The following FCHSD2 variants were observed in gnomAD, a reference collection of about 807,000 sequenced individuals.
FCHSD2 encodes the protein F-BAR and double SH3 domains protein 2.
A neutral mutation model predicts 108.1 loss-of-function variants in FCHSD2; 38 were observed. The ratio of observed to expected loss-of-function variants is 0.35; its 90% confidence interval spans 0.27 to 0.46. The LOEUF (loss-of-function observed/expected upper bound fraction) is 0.46. Ranked by LOEUF, FCHSD2 falls within the 20% of genes least tolerant of loss-of-function variation. The pLI, the probability that FCHSD2 is intolerant of heterozygous loss-of-function variation, is 1.00. For synonymous variants in FCHSD2, 279 were observed against 314.7 expected, an observed-to-expected ratio of 0.89 and a Z score of 1.20; for missense variants, 751 against 897.8, an observed-to-expected ratio of 0.84 and a Z score of 2.09.
At chr11:72,902,032 G>T (rs1206241215) in intron 10 of FCHSD2, among the ~76,000 whole-genome samples, 3 of 151,890 alleles carry the variant, frequency 2.0e-5, no homozygotes, top group African/African-American at 7.3e-5. Context: ...CCACGACCAA[G>T]CCCAGCTAAT....
Position 73,140,074 on chromosome 11 carries a change from G to T in FCHSD2, c.76C>A (p.Gln26Lys). The change falls in exon 2 of 20, where the codon CAA becomes AAA. Residue 26 changes from glutamine to lysine, a missense_variant. Gln to Lys is a moderately conservative substitution (Grantham distance 53). Transcript: ENST00000409418. ...NIQVEQMTKLQAKHQAECDLL... is the reference protein window; with the variant it reads ...NIQVEQMTKLKAKHQAECDLL... ...TCACATTCTGCTTGATGTTTGGCTTGAAGTTTTGTCATCTGCTCAACTTGA... is the reference window on the plus strand; with the variant it reads ...TCACATTCTGCTTGATGTTTGGCTTTAAGTTTTGTCATCTGCTCAACTTGA... 1.3e-6 allele frequency: 2 copies of T among 1,549,144 alleles called. No homozygotes were observed. Among genetic ancestry groups the T allele is most frequent in the Non-Finnish European group, 1.7e-6 (2 of 1,145,732 alleles).
intron 12 of FCHSD2, among the ~76,000 whole-genome samples, chr11:72,879,032 C>T (rs1855026544): frequency 6.6e-6 from 1 of 152,026 alleles, no homozygotes; most frequent in Non-Finnish European, 1.5e-5. Flanking sequence ...ACTGCTTGAA[C>T]CCAGGAGGCA....
At chr11:73,133,792 CAAAAAA>C (rs56104779) in intron 2 of FCHSD2, among the ~76,000 whole-genome samples, 1 of 65,870 alleles carries the variant, frequency 1.5e-5, no homozygotes, top group African/African-American at 6.5e-5. Flanking sequence ...AACTCCGTCT[CAAAAAA>C]AAAAAAAAAA....
At chr11:72,985,785 T>C (rs944595556) in intron 6 of FCHSD2, among the ~76,000 whole-genome samples, 2 of 152,112 alleles carry the variant, frequency 1.3e-5, no homozygotes, top group African/African-American at 4.8e-5. Flanking sequence ...AATCTAACAA[T>C]AGGTAGTACA....
intron 2 of FCHSD2, among the ~76,000 whole-genome samples, chr11:73,126,339 T>TAAAAAA (rs61586562): frequency 0.061 from 1,656 of 27,202 alleles, 167 homozygotes; most frequent in East Asian, 0.19. Flanking sequence ...GATTCCATCT[T>TAAAAAA]AAAAAAAAAA....
intron 5 of FCHSD2, among the ~76,000 whole-genome samples, chr11:72,999,431 T>C (rs1857582240): frequency 6.6e-6 from 1 of 151,076 alleles, no homozygotes; most frequent in African/African-American, 2.4e-5. Context: ...GCAATTCTCC[T>C]GTCTCAGCCT....
intron 5 of FCHSD2, among the ~76,000 whole-genome samples, chr11:72,999,546 C>T (rs942602236): frequency 6.6e-5 from 10 of 152,046 alleles, no homozygotes; most frequent in Admixed American, 1.3e-4. Context: ...TCTTGAATTC[C>T]TGACCTCAGG....
chr11:72,848,334 C>T (rs1245115788), intron 14 of FCHSD2, among the ~76,000 whole-genome samples: 1 of 152,214 alleles, frequency 6.6e-6, no homozygotes, highest in Non-Finnish European at 1.5e-5. Context: ...ACTCTCATCA[C>T]ACTCTGTCTC....
At chr11:72,857,288 C>G (rs1203761080) in intron 13 of FCHSD2, among the ~76,000 whole-genome samples, 1 of 152,176 alleles carries the variant, frequency 6.6e-6, no homozygotes, top group Non-Finnish European at 1.5e-5. Flanking sequence ...TTTCTTGACC[C>G]AGCATTTCTA....
chr11:72,913,915 A>T (rs1164842488), intron 9 of FCHSD2, among the ~76,000 whole-genome samples: 1 of 152,114 alleles, frequency 6.6e-6, no homozygotes, highest in African/African-American at 2.4e-5. Flanking sequence ...ACTGCTGCTC[A>T]AATAAATTAG....
At chr11:73,113,522 C>T (rs185066689) in intron 2 of FCHSD2, among the ~76,000 whole-genome samples, 1 of 151,986 alleles carries the variant, frequency 6.6e-6, no homozygotes, top group Non-Finnish European at 1.5e-5. Flanking sequence ...GCATGTGCCA[C>T]CACGCCCAGC....
intron 3 of FCHSD2, among the ~76,000 whole-genome samples, chr11:73,054,643 G>A (rs185156277): frequency 1.3e-5 from 2 of 151,726 alleles, no homozygotes; most frequent in Non-Finnish European, 1.5e-5. Flanking sequence ...ACAAACAGAG[G>A]GGGTGGAGGA....
chr11:73,021,711 A>G (rs1858109707), intron 3 of FCHSD2, among the ~76,000 whole-genome samples: 1 of 152,158 alleles, frequency 6.6e-6, no homozygotes, highest in African/African-American at 2.4e-5. Flanking sequence ...ATTTAAAATA[A>G]AACTTAAAAA....
chr11:72,854,402 C>T (rs888349525), intron 13 of FCHSD2, among the ~76,000 whole-genome samples: 10 of 152,158 alleles, frequency 6.6e-5, no homozygotes, highest in Non-Finnish European at 2.9e-5. Flanking sequence ...TACATACATA[C>T]GATGGAATAT....
chr11:72,917,955 G>A (rs1003857405), intron 9 of FCHSD2, among the ~76,000 whole-genome samples: 9 of 151,672 alleles, frequency 5.9e-5, no homozygotes, highest in Non-Finnish European at 1.2e-4. Flanking sequence ...TTGGAATTTT[G>A]ATAGGGACTA....
At chr11:73,140,799 G>A (rs1382702142) in intron 1 of FCHSD2, among the ~76,000 whole-genome samples, 2 of 152,250 alleles carry the variant, frequency 1.3e-5, no homozygotes, top group East Asian at 3.8e-4. Context: ...GCAAATGCCT[G>A]CTGGCCAGAG....
chr11:73,129,802 A>G (rs531337730), intron 2 of FCHSD2, among the ~76,000 whole-genome samples: 3 of 151,744 alleles, frequency 2.0e-5, no homozygotes, highest in South Asian at 4.2e-4. Context: ...AGGGTTGGGG[A>G]CCACTGCTGT....
chr11:72,855,488 G>A (rs1171171255), intron 13 of FCHSD2, among the ~76,000 whole-genome samples: 1 of 151,936 alleles, frequency 6.6e-6, no homozygotes, highest in Admixed American at 6.6e-5. Context: ...AAAAAAAAGA[G>A]TTCTGGAGAT....
chr11:73,103,637 A>G (rs1000971920), intron 2 of FCHSD2, among the ~76,000 whole-genome samples: 14 of 152,244 alleles, frequency 9.2e-5, no homozygotes, highest in African/African-American at 3.4e-4. Flanking sequence ...TTAAACTAAA[A>G]TGAACCTATG....
Sources: gnomAD v4.1 joint callset for allele counts (sites outside exome capture counted in the v4.1 genomes callset) on GRCh38, gnomAD v4.1.1 for gene constraint, MANE v1.5 for transcripts, NCBI Gene and HGNC (gene_info 2026-07-23, HGNC 2026-07-21) for gene names.